Variants in NEURL1B observed in about 807,000 individuals in gnomAD.
NEURL1B encodes E3 ubiquitin-protein ligase NEURL1B.
Under a neutral mutation model 37.4 loss-of-function variants are expected in NEURL1B, and 13 were observed. That is an observed-to-expected ratio of 0.35 (90% CI 0.23 to 0.55). NEURL1B has a LOEUF of 0.55. NEURL1B is among the 20% of genes least tolerant of loss of function. The pLI, the probability that NEURL1B is intolerant of heterozygous loss-of-function variation, is 0.89. For synonymous variants in NEURL1B, 432 were observed against 426.6 expected (o/e 1.01, Z -0.16); for missense variants, 790 against 879.2 (o/e 0.90, Z 1.28).
chr5:172,665,780 C>A lies in NEURL1B; in HGVS notation c.32-4005C>A, dbSNP rs1757999110. ...CTCGAGACCTGGCTCAGTGGGCATC[C>A]CACTATTCCCAGCCCCTAACTGAGT... On this transcript the variant is annotated intron_variant, in intron 1 of 4. Transcript: ENST00000369800. The surrounding 1 kb of genome is among the most constrained non-coding windows in gnomAD (Gnocchi z 4.1). Among the ~76,000 whole-genome samples the A allele has an allele frequency of 6.6e-6, 1 of 151,952 alleles. No homozygotes were observed. Among genetic ancestry groups the A allele is most frequent in the Non-Finnish European group, 1.5e-5 (1 of 67,998 alleles).
intron 2 of NEURL1B, among the ~76,000 whole-genome samples, chr5:172,672,679 G>A (rs1205883065): frequency 2.6e-5 from 4 of 151,976 alleles, no homozygotes; most frequent in Non-Finnish European, 4.4e-5. Flanking sequence ...TCTACAAGTC[G>A]TCCCTGAGCT....
chr5:172,683,334 G>C lies in NEURL1B; in HGVS notation c.578-85G>C. On this transcript the variant is annotated intron_variant, in intron 2 of 4. Transcript: ENST00000369800. The surrounding 1 kb of genome is among the most constrained non-coding windows in gnomAD (Gnocchi z 5.6). Reference sequence around the variant, plus strand: ...AGGCCCGGGTCGGTCGTGGAGGCCTGCAGGAGGCAGCGGGCGAGGAGGGGC... The same window carrying C: ...AGGCCCGGGTCGGTCGTGGAGGCCTCCAGGAGGCAGCGGGCGAGGAGGGGC... 1.6e-6 allele frequency: 2 copies of C among 1,253,158 alleles called. No individual in the cohort carries two copies. Among genetic ancestry groups the C allele is most frequent in the Non-Finnish European group, 2.0e-6 (2 of 995,556 alleles). 77.6% of individuals were successfully genotyped at this position (1,253,158 alleles called of 1,614,324 possible).
intron 2 of NEURL1B, among the ~76,000 whole-genome samples, chr5:172,674,514 A>G (rs1348825067): frequency 1.3e-5 from 2 of 152,034 alleles, no homozygotes; most frequent in Non-Finnish European, 2.9e-5. Flanking sequence ...CTGCGGCAGT[A>G]TTTAGTTCGC....
At chr5:172,656,736 G>A in intron 1 of NEURL1B, 1 of 916,328 alleles carries the variant, frequency 1.1e-6, no homozygotes, top group Non-Finnish European at 1.7e-6. Context: ...CGCTTCCCCA[G>A]AAGTTAAGTT....
chr5:172,656,515 C>T (rs1757781174), intron 1 of NEURL1B: 11 of 1,606,870 alleles, frequency 6.8e-6, no homozygotes, highest in Middle Eastern at 2.3e-4. Context: ...GCACAAGGAA[C>T]AGCTTACTTT....
intron 1 of NEURL1B, among the ~76,000 whole-genome samples, chr5:172,663,829 TTTA>T (rs60738970): frequency 1.4e-4 from 20 of 140,814 alleles, no homozygotes; most frequent in East Asian, 4.1e-4. Flanking sequence ...GTTTTATTTG[TTTA>T]TTATTATTAT....
chr5:172,665,076 T>C lies in NEURL1B; in HGVS notation c.32-4709T>C, dbSNP rs1003134798. Among the ~76,000 whole-genome samples, 3 of 152,158 alleles carry C rather than the reference T, an allele frequency of 2.0e-5. No individual in the cohort carries two copies. Among genetic ancestry groups the C allele is most frequent in the African/African-American group, 7.2e-5 (3 of 41,432 alleles). ...TTCCCAAGCCCTTCTGTAAAGAAAC[T>C]CTCTGACTGAGAGATGAGGTCGGAA... On this transcript the variant is annotated intron_variant, in intron 1 of 4. Transcript: ENST00000369800. The surrounding 1 kb of genome is among the most constrained non-coding windows in gnomAD (Gnocchi z 4.1).
chr5:172,651,558 T>C (rs1259466920), intron 1 of NEURL1B, among the ~76,000 whole-genome samples: 2 of 152,244 alleles, frequency 1.3e-5, no homozygotes, highest in Non-Finnish European at 2.9e-5. Flanking sequence ...AGGTGCAACA[T>C]TGAGTTTTAA....
rs1290980612 is a variant in NEURL1B at position 172,641,992 on chromosome 5, C to T, written c.31+555C>T. On this transcript the variant is annotated intron_variant, in intron 1 of 4. Transcript: ENST00000369800. This position sits in a 1 kb window ranked among gnomAD's most constrained non-coding sequence, Gnocchi z 6.4. ...TCTGGTGTCCGCTCCACTGGGGACT[C>T]CTTCGCCCCCTCGGAGTCGCTGCTG... Among the ~76,000 whole-genome samples the T allele has an allele frequency of 6.6e-6, 1 of 152,234 alleles. No homozygotes were observed. Among genetic ancestry groups the T allele is most frequent in the Non-Finnish European group, 1.5e-5 (1 of 68,040 alleles).
chr5:172,668,629 C>T (rs1391237781), intron 1 of NEURL1B, among the ~76,000 whole-genome samples: 1 of 152,222 alleles, frequency 6.6e-6, no homozygotes, highest in Admixed American at 6.5e-5. Context: ...TCTTTCATTC[C>T]TGGGGTCGCC....
chr5:172,675,376 C>A lies in NEURL1B; in HGVS notation c.577+5046C>A, dbSNP rs564387122. On this transcript the variant is annotated intron_variant, in intron 2 of 4. Coordinates refer to ENST00000369800, the MANE Select transcript of NEURL1B (RefSeq NM_001142651.3). The surrounding 1 kb of genome is among the most constrained non-coding windows in gnomAD (Gnocchi z 4.7). ...CCTGGATTACGACCAATCCCCCAAGCCACACACACAGACAGTACTGTAGGG... is the reference window on the plus strand; with the variant it reads ...CCTGGATTACGACCAATCCCCCAAGACACACACACAGACAGTACTGTAGGG... Among the ~76,000 whole-genome samples the A allele has an allele frequency of 6.6e-6, 1 of 152,130 alleles. No homozygotes were observed. Among genetic ancestry groups the A allele is most frequent in the East Asian group, 1.9e-4 (1 of 5,164 alleles).
chr5:172,661,884 A>G lies in NEURL1B; in HGVS notation c.32-7901A>G, dbSNP rs910102950. ...TGGGGACCATTCAGGGGATGGCACA[A>G]GGCGCATTTAGGACGCCTGCTGGCA... On this transcript the variant is annotated intron_variant, in intron 1 of 4. Coordinates refer to ENST00000369800, the MANE Select transcript of NEURL1B (RefSeq NM_001142651.3). This position sits in a 1 kb window ranked among gnomAD's most constrained non-coding sequence, Gnocchi z 4.0. Among the ~76,000 whole-genome samples, 3 of 152,254 alleles carry G rather than the reference A, an allele frequency of 2.0e-5. No homozygotes were observed. Among genetic ancestry groups the G allele is most frequent in the Admixed American group, 6.5e-5 (1 of 15,288 alleles).
At chr5:172,658,122 C>T (rs889171495) in intron 1 of NEURL1B, among the ~76,000 whole-genome samples, 2 of 152,094 alleles carry the variant, frequency 1.3e-5, no homozygotes, top group African/African-American at 2.4e-5. Context: ...TATCAGTGCA[C>T]CCAGCCTTTC....
chr5:172,683,038 A>G lies in NEURL1B; in HGVS notation c.578-381A>G, dbSNP rs1402519709. 6.6e-6 allele frequency among the ~76,000 whole-genome samples: 1 copy of G among 152,214 alleles called. No individual in the cohort carries two copies. The highest frequency in any genetic ancestry group is 2.4e-5 in the African/African-American group (1 of 41,462). On this transcript the variant is annotated intron_variant, in intron 2 of 4. Coordinates refer to ENST00000369800, the MANE Select transcript of NEURL1B (RefSeq NM_001142651.3). This position sits in a 1 kb window ranked among gnomAD's most constrained non-coding sequence, Gnocchi z 5.6. Reference sequence around the variant, plus strand: ...TATGTTCTAGTTGGGGAGACGGACAATAAACGATTTTTAGATGCCCTTTTA... The same window carrying G: ...TATGTTCTAGTTGGGGAGACGGACAGTAAACGATTTTTAGATGCCCTTTTA...
rs534015266 is a variant in NEURL1B at position 172,684,119 on chromosome 5, G to A, written c.1278G>A (p.Ala426=). The A allele has an allele frequency of 2.2e-3, 2,777 of 1,255,318 alleles. 44 individuals are homozygous for A. In the African/African-American group the frequency reaches 0.034, roughly 16 times the overall value. The allele number at this position is 1,255,318 out of a possible 1,614,324, so 77.8% of individuals were successfully genotyped here. A position where few individuals can be genotyped will look rare whatever the true frequency, so the allele number is the denominator to read the frequency against. Residue 426 remains alanine, a synonymous_variant, in exon 3 of 5, where the codon GCG becomes GCA. Coordinates refer to ENST00000369800, the MANE Select transcript of NEURL1B (RefSeq NM_001142651.3). ...WAFFAVRGGV[A]GQLRLLGTLQ... Reference sequence around the variant, plus strand: ...TCTTCGCCGTGCGCGGCGGCGTCGCGGGCCAGCTGCGTCTCCTCGGTGAGT... The same window carrying A: ...TCTTCGCCGTGCGCGGCGGCGTCGCAGGCCAGCTGCGTCTCCTCGGTGAGT...
At chr5:172,672,546 C>CCA (rs1554098440) in intron 2 of NEURL1B, among the ~76,000 whole-genome samples, 6 of 147,482 alleles carry the variant, frequency 4.1e-5, no homozygotes, top group East Asian at 2.1e-4. Flanking sequence ...ACTCTCCCCC[C>CCA]CCCACTCTAT....
At position 172,669,983 on chromosome 5, in the gene NEURL1B, G is replaced by A. The variant is rs1222151920; in HGVS notation, c.230G>A (p.Arg77Gln). Residue 77 changes from arginine to glutamine, a missense_variant, in exon 2 of 5, where the codon CGG becomes CAG. Coordinates refer to ENST00000369800, the MANE Select transcript of NEURL1B (RefSeq NM_001142651.3). ...GTCACGTTCACGCAGCGGCCCATCCGGCTGTACGAGCAGGTGCGGCTGCGC... is the reference window on the plus strand; with the variant it reads ...GTCACGTTCACGCAGCGGCCCATCCAGCTGTACGAGCAGGTGCGGCTGCGC... ...NGVTFTQRPI[R>Q]LYEQVRLRLV... 6 of 1,466,428 alleles carry A rather than the reference G, an allele frequency of 4.1e-6. No homozygotes were observed. Among genetic ancestry groups the A allele is most frequent in the Non-Finnish European group, 5.4e-6 (6 of 1,115,012 alleles). The allele number at this position is 1,466,428 out of a possible 1,614,324, so 90.8% of individuals were successfully genotyped here. A position where few individuals can be genotyped will look rare whatever the true frequency, so the allele number is the denominator to read the frequency against.
At position 172,641,541 on chromosome 5, in the gene NEURL1B, G is replaced by A. The variant is rs1434218978; in HGVS notation, c.31+104G>A. On this transcript the variant is annotated intron_variant, in intron 1 of 4. Coordinates refer to ENST00000369800, the MANE Select transcript of NEURL1B (RefSeq NM_001142651.3). This position sits in a 1 kb window ranked among gnomAD's most constrained non-coding sequence, Gnocchi z 6.4. ...CTACCCCACGGCCCTTGGAGCCCTCGGCTCGCAGCGGGCTGGAGTCTCCGG... is the reference window on the plus strand; with the variant it reads ...CTACCCCACGGCCCTTGGAGCCCTCAGCTCGCAGCGGGCTGGAGTCTCCGG... 2 of 1,006,386 alleles carry A rather than the reference G, an allele frequency of 2.0e-6. No individual in the cohort carries two copies. The highest frequency in any genetic ancestry group is 3.3e-5 in the East Asian group (1 of 30,336). The allele number at this position is 1,006,386 out of a possible 1,614,324, so 62.3% of individuals were successfully genotyped here. A position where few individuals can be genotyped will look rare whatever the true frequency, so the allele number is the denominator to read the frequency against.
chr5:172,684,216 C>T (rs1250237510), intron 3 of NEURL1B, 78 bp downstream of exon 3: 6 of 1,117,458 alleles, frequency 5.4e-6, no homozygotes, highest in Non-Finnish European at 4.5e-6. Context: ...CGCTCTTCCC[C>T]GGCCCCGCCC....
Sources: allele counts gnomAD v4.1 joint callset (sites outside exome capture counted in the v4.1 genomes callset), GRCh38; gene constraint gnomAD v4.1.1; non-coding constraint Gnocchi (gnomAD v3.1); transcripts MANE v1.5; gene names NCBI Gene and HGNC (gene_info 2026-07-23, HGNC 2026-07-21).